The following SYCP2L variants were observed in gnomAD, a reference collection of about 807,000 sequenced individuals.
The protein encoded by SYCP2L is synaptonemal complex protein 2-like.
Under a neutral mutation model 125.8 loss-of-function variants are expected in SYCP2L, and 98 were observed. That is an observed-to-expected ratio of 0.78 (90% CI 0.66 to 0.92). The LOEUF (loss-of-function observed/expected upper bound fraction) is 0.92. Among genes scored for constraint, SYCP2L ranks in the 40% least tolerant of loss-of-function variants. The pLI is 0.00. For missense variants in SYCP2L, 842 were observed against 936.4 expected, an observed-to-expected ratio of 0.90 and a Z score of 1.32; for synonymous variants, 317 against 325.4, an observed-to-expected ratio of 0.97 and a Z score of 0.28.
At chr6:10,931,037 G>A (rs1780988601) in intron 19 of SYCP2L, among the ~76,000 whole-genome samples, 3 of 152,216 alleles carry the variant, frequency 2.0e-5, no homozygotes, top group African/African-American at 7.2e-5. Context: ...TGGGCATGGT[G>A]GTGTGCGCCT....
intron 1 of SYCP2L, among the ~76,000 whole-genome samples, chr6:10,888,822 G>C (rs10484889): frequency 6.6e-6 from 1 of 151,986 alleles, no homozygotes; most frequent in Non-Finnish European, 1.5e-5. Flanking sequence ...TTATAGATAC[G>C]TAGCATAGTG....
At chr6:10,907,117 G>C (rs927150627) in intron 9 of SYCP2L, among the ~76,000 whole-genome samples, 1 of 152,046 alleles carries the variant, frequency 6.6e-6, no homozygotes, top group African/African-American at 2.4e-5. Flanking sequence ...GCCGAGGTGG[G>C]CAGATTGCTT....
intron 23 of SYCP2L, among the ~76,000 whole-genome samples, chr6:10,946,131 A>G (rs1781311264): frequency 6.6e-6 from 1 of 152,056 alleles, no homozygotes; most frequent in African/African-American, 2.4e-5. Context: ...ATATCTACCA[A>G]TTTGTTTTGT....
At chr6:10,899,211 A>G (rs1467215953) in intron 6 of SYCP2L, among the ~76,000 whole-genome samples, 1 of 152,206 alleles carries the variant, frequency 6.6e-6, no homozygotes, top group East Asian at 1.9e-4. Flanking sequence ...AAAATTTTAG[A>G]AACTTTGGAG....
chr6:10,960,288 A>G (rs1016436971), intron 26 of SYCP2L, among the ~76,000 whole-genome samples: 3 of 152,214 alleles, frequency 2.0e-5, no homozygotes, highest in Non-Finnish European at 4.4e-5. Context: ...TCTGGTGTGC[A>G]TGCAATGTCC....
chr6:10,938,816 A>C (rs1781155862), intron 21 of SYCP2L, among the ~76,000 whole-genome samples: 2 of 152,176 alleles, frequency 1.3e-5, no homozygotes, highest in African/African-American at 4.8e-5. Flanking sequence ...TAAACTGTCT[A>C]AGAAAGAAAT....
intron 14 of SYCP2L, among the ~76,000 whole-genome samples, chr6:10,918,424 G>A (rs533963462): frequency 7.9e-5 from 12 of 151,950 alleles, no homozygotes; most frequent in African/African-American, 2.7e-4. Context: ...ACATTTGGTC[G>A]TTTAACATCA....
rs1276352193 is a variant in SYCP2L at position 10,912,352 on chromosome 6, C to T, written c.919-321C>T. Among the ~76,000 whole-genome samples, 1 of 152,084 alleles carries T rather than the reference C, an allele frequency of 6.6e-6. No homozygotes were observed. Among genetic ancestry groups the T allele is most frequent in the East Asian group, 1.9e-4 (1 of 5,188 alleles). On this transcript the variant is annotated intron_variant, in intron 12 of 29. Coordinates refer to ENST00000283141, the MANE Select transcript of SYCP2L (RefSeq NM_001040274.3). This position sits in a 1 kb window ranked among gnomAD's most constrained non-coding sequence, Gnocchi z 4.1. ...CATCCATATGCAGTGTGGCTTGTTACTGATTCAACATAGAACTGTTTTCTC... is the reference window on the plus strand; with the variant it reads ...CATCCATATGCAGTGTGGCTTGTTATTGATTCAACATAGAACTGTTTTCTC...
rs138860385 is a variant in SYCP2L, at chr6:10,939,345, T to G, written c.1814-3114T>G. ...AATTCAACTGCTATCAAATTTCTAC[T>G]GGCATTTTTCACAGAAATAGAAAAA... On this transcript the variant is annotated intron_variant, in intron 21 of 29. Transcript: ENST00000283141. Among the ~76,000 whole-genome samples, 62 of 152,318 alleles carry G rather than the reference T, an allele frequency of 4.1e-4. No individual in the cohort carries two copies. In the East Asian group the frequency reaches 6.7e-3, roughly 17 times the overall value.
Position 10,942,658 on chromosome 6 carries a change from G to A in SYCP2L, c.1885-19G>A, listed in dbSNP as rs1450618060. On this transcript the variant is annotated intron_variant, in intron 22 of 29. Transcript: ENST00000283141. Reference sequence around the variant, plus strand: ...CTTTGCCATAAAGGACGTAATTTGTGGTCTGTTTTGTTTTTAAGATTGTGA... The same window carrying A: ...CTTTGCCATAAAGGACGTAATTTGTAGTCTGTTTTGTTTTTAAGATTGTGA... 2.5e-6 allele frequency: 4 copies of A among 1,612,450 alleles called. No individual in the cohort carries two copies. Among genetic ancestry groups the A allele is most frequent in the African/African-American group, 1.3e-5 (1 of 74,784 alleles).
Position 10,932,007 on chromosome 6 carries a change from T to TTA in SYCP2L, c.1683+518_1683+519insTA, listed in dbSNP as rs1260926753. Reference sequence around the variant, plus strand: ...TTGAGGGTCTTTTTTTTTTTTTTTTTAACTGTTCCCAAATGTTGCTGGAGG... The same window carrying TTA: ...TTGAGGGTCTTTTTTTTTTTTTTTTTTAAACTGTTCCCAAATGTTGCTGGAGG... On this transcript the variant is annotated intron_variant, in intron 20 of 29. Transcript: ENST00000283141. Among the ~76,000 whole-genome samples the TTA allele has an allele frequency of 4.7e-3, 693 of 148,762 alleles. 6 individuals are homozygous for TTA. Among genetic ancestry groups the TTA allele is most frequent in the Middle Eastern group, 0.021 (6 of 288 alleles).
intron 4 of SYCP2L, 131 bp downstream of exon 4, chr6:10,894,335 T>A (rs1780222883): frequency 7.6e-6 from 9 of 1,188,172 alleles, no homozygotes; most frequent in Non-Finnish European, 1.1e-5. Context: ...ATATCCATTC[T>A]TATTGCTTCT....
At chr6:10,897,377 T>G (rs570030281) in intron 4 of SYCP2L, among the ~76,000 whole-genome samples, 3 of 151,816 alleles carry the variant, frequency 2.0e-5, no homozygotes, top group Non-Finnish European at 4.4e-5. Flanking sequence ...GCAAGATTTT[T>G]TTTCCACCTG....
chr6:10,960,152 G>A (rs771526072), intron 26 of SYCP2L, among the ~76,000 whole-genome samples: 8 of 152,162 alleles, frequency 5.3e-5, no homozygotes, highest in African/African-American at 1.2e-4. Flanking sequence ...TTCCTTTGTT[G>A]GAGAGAATGG....
At chr6:10,926,538 GTC>G in intron 16 of SYCP2L, 106 bp downstream of exon 16, 1 of 778,872 alleles carries the variant, frequency 1.3e-6, no homozygotes, top group South Asian at 1.6e-5. Flanking sequence ...AGTGATGCGT[GTC>G]TGATGGCACT....
Position 10,911,733 on chromosome 6 carries a change from A to G in SYCP2L, c.918+864A>G, listed in dbSNP as rs191456349. 2.1e-3 allele frequency among the ~76,000 whole-genome samples: 313 copies of G among 152,164 alleles called. 2 individuals carry two copies. Among genetic ancestry groups the G allele is most frequent in the Non-Finnish European group, 2.4e-3 (163 of 67,990 alleles). Reference sequence around the variant, plus strand: ...TACCCTGACCCTTACATTGGCTTCCAGGAACATGTATTGTGGGTGAAAGCC... The same window carrying G: ...TACCCTGACCCTTACATTGGCTTCCGGGAACATGTATTGTGGGTGAAAGCC... On this transcript the variant is annotated intron_variant, in intron 12 of 29. Transcript: ENST00000283141.
chr6:10,939,220 G>T (rs904936549), intron 21 of SYCP2L, among the ~76,000 whole-genome samples: 1 of 152,082 alleles, frequency 6.6e-6, no homozygotes, highest in African/African-American at 2.4e-5. Flanking sequence ...AGACATTGAT[G>T]AAATTAATTG....
intron 1 of SYCP2L, among the ~76,000 whole-genome samples, chr6:10,888,262 A>T (rs142242215): frequency 6.6e-6 from 1 of 151,652 alleles, no homozygotes; most frequent in East Asian, 1.9e-4. Context: ...ACGCCAGGGT[A>T]ATTTTTGTAT....
At chr6:10,915,637 A>G (rs939747814) in intron 14 of SYCP2L, among the ~76,000 whole-genome samples, 4 of 152,288 alleles carry the variant, frequency 2.6e-5, no homozygotes, top group African/African-American at 4.8e-5. Flanking sequence ...TGACTTGTGC[A>G]TATTAAACCA....
Sources: allele counts gnomAD v4.1 joint callset (sites outside exome capture counted in the v4.1 genomes callset), GRCh38; gene constraint gnomAD v4.1.1; non-coding constraint Gnocchi (gnomAD v3.1); transcripts MANE v1.5; gene names NCBI Gene and HGNC (gene_info 2026-07-23, HGNC 2026-07-21).